PRKN: variants seen among roughly 807,000 people sequenced by gnomAD.
PRKN encodes the protein E3 ubiquitin-protein ligase parkin.
Under a neutral mutation model 59.5 loss-of-function variants are expected in PRKN, and 56 were observed. That is an observed-to-expected ratio of 0.94 (90% confidence interval 0.76 to 1.18). The LOEUF (loss-of-function observed/expected upper bound fraction) is 1.18. PRKN is among the 50% of genes most tolerant of loss of function. The pLI is 0.00. For synonymous variants in PRKN, 250 were observed against 222.1 expected, an observed-to-expected ratio of 1.13 and a Z score of -1.12; for missense variants, 657 against 596.4, an observed-to-expected ratio of 1.10 and a Z score of -1.06.
chr6:162,156,662 G>A (rs757554846), intron 4 of PRKN, among the ~76,000 whole-genome samples: 1 of 152,156 alleles, frequency 6.6e-6, no homozygotes, highest in Non-Finnish European at 1.5e-5. Context: ...CAGATTGAGG[G>A]TGAGTCTACC....
In PRKN at chr6:161,484,686, G is replaced by A. The variant is rs115748173; in HGVS notation, c.1083+64168C>T. Among the ~76,000 whole-genome samples, 1,576 of 152,240 alleles carry A rather than the reference G, an allele frequency of 0.01. 28 individuals are homozygous for A. The highest frequency in any genetic ancestry group is 0.036 in the African/African-American group (1,485 of 41,550). On this transcript the variant is annotated intron_variant, in intron 9 of 11. Transcript: ENST00000366898. The surrounding 1 kb of genome is among the most constrained non-coding windows in gnomAD (Gnocchi z 4.9). ...GAGACCAGGCCATTCTCACGGGCCC[G>A]TTGTGGGCACTGCATGGTGTTTGGC...
intron 4 of PRKN, among the ~76,000 whole-genome samples, chr6:162,093,037 G>C (rs1026006014): frequency 1.3e-5 from 2 of 152,134 alleles, no homozygotes; most frequent in African/African-American, 2.4e-5. Context: ...TGAACCAAAA[G>C]GTTTTCAGGC....
At chr6:162,116,414 A>G (rs560120554) in intron 4 of PRKN, among the ~76,000 whole-genome samples, 2 of 152,316 alleles carry the variant, frequency 1.3e-5, no homozygotes, top group South Asian at 4.1e-4. Context: ...GGCATGAAAC[A>G]GCTCTCTAGG....
intron 9 of PRKN, among the ~76,000 whole-genome samples, chr6:161,490,053 T>C (rs1038178697): frequency 1.3e-5 from 2 of 152,220 alleles, no homozygotes; most frequent in South Asian, 4.1e-4. Flanking sequence ...TGTTAGGATA[T>C]TCCAACTTAA....
intron 8 of PRKN, among the ~76,000 whole-genome samples, chr6:161,567,762 A>G (rs1477289154): frequency 6.6e-6 from 1 of 152,202 alleles, no homozygotes; most frequent in Non-Finnish European, 1.5e-5. Context: ...TTCTTTCCTT[A>G]CTAATTACCC....
At chr6:161,517,061 T>C (rs1283906538) in intron 9 of PRKN, among the ~76,000 whole-genome samples, 1 of 152,170 alleles carries the variant, frequency 6.6e-6, no homozygotes, top group Non-Finnish European at 1.5e-5. Context: ...GATTTCAACT[T>C]ACGATGGAGT....
chr6:162,162,328 A>G (rs1782794475), intron 4 of PRKN, among the ~76,000 whole-genome samples: 1 of 152,214 alleles, frequency 6.6e-6, no homozygotes, highest in Non-Finnish European at 1.5e-5. Flanking sequence ...ACGGAAGGAT[A>G]TGCGTAGGTT....
At position 162,101,616 on chromosome 6, in the gene PRKN, G is replaced by A. The variant is rs375760461; in HGVS notation, c.535-47442C>T. On this transcript the variant is annotated intron_variant, in intron 4 of 11. Coordinates refer to ENST00000366898, the MANE Select transcript of PRKN (RefSeq NM_004562.3). ...AAACCCGGGAGGTGGAGCTTGCAGTGAGCCGAGATCGTGCCACTGCACTCC... is the reference window on the plus strand; with the variant it reads ...AAACCCGGGAGGTGGAGCTTGCAGTAAGCCGAGATCGTGCCACTGCACTCC... Among the ~76,000 whole-genome samples, 193 of 151,954 alleles carry A rather than the reference G, an allele frequency of 1.3e-3. 4 individuals carry two copies. Among genetic ancestry groups the A allele is most frequent in the African/African-American group, 4.0e-3 (167 of 41,498 alleles).
chr6:162,686,214 C>T (rs1313868515), intron 1 of PRKN, among the ~76,000 whole-genome samples: 1 of 152,142 alleles, frequency 6.6e-6, no homozygotes, highest in African/African-American at 2.4e-5. Flanking sequence ...CCATAAATGT[C>T]ATGATTTAGC....
chr6:161,702,367 G>A (rs1311673824), intron 7 of PRKN, among the ~76,000 whole-genome samples: 1 of 152,184 alleles, frequency 6.6e-6, no homozygotes, highest in African/African-American at 2.4e-5. Context: ...TGAAAAGAGG[G>A]AAATTCTGAC....
At chr6:162,077,843 T>C (rs561886212) in intron 4 of PRKN, among the ~76,000 whole-genome samples, 2 of 151,536 alleles carry the variant, frequency 1.3e-5, no homozygotes, top group Non-Finnish European at 2.9e-5. Context: ...CTACTAAAAA[T>C]ACAAAAATTA....
intron 7 of PRKN, among the ~76,000 whole-genome samples, chr6:161,650,882 G>A (rs1484116228): frequency 6.6e-6 from 1 of 152,160 alleles, no homozygotes; most frequent in Non-Finnish European, 1.5e-5. Context: ...TATCCTCAGA[G>A]GAGCTCTTTC....
Position 161,368,636 on chromosome 6 carries a change from C to G in PRKN, c.1168-8431G>C, listed in dbSNP as rs560591550. Among the ~76,000 whole-genome samples, 154 of 151,466 alleles carry G rather than the reference C, an allele frequency of 1.0e-3. 2 individuals are homozygous for G. Among genetic ancestry groups the G allele is most frequent in the Admixed American group, 2.0e-3 (31 of 15,202 alleles). Reference sequence around the variant, plus strand: ...GACAGTGGGAGAAGCCACCCAGCCCCCCTCCCCTCACTGCAGTGGCTCACC... The same window carrying G: ...GACAGTGGGAGAAGCCACCCAGCCCGCCTCCCCTCACTGCAGTGGCTCACC... On this transcript the variant is annotated intron_variant, in intron 10 of 11. Coordinates refer to ENST00000366898, the MANE Select transcript of PRKN (RefSeq NM_004562.3).
intron 7 of PRKN, among the ~76,000 whole-genome samples, chr6:161,735,070 T>C (rs1447224391): frequency 1.3e-5 from 2 of 150,782 alleles, no homozygotes; most frequent in Non-Finnish European, 2.9e-5. Flanking sequence ...GCTGCCTTCC[T>C]GTTAGGTGTC....
chr6:161,764,628 C>T (rs897487364), intron 7 of PRKN, among the ~76,000 whole-genome samples: 1 of 152,052 alleles, frequency 6.6e-6, no homozygotes, highest in Non-Finnish European at 1.5e-5. Context: ...TTGTGCATTT[C>T]TATGTGAAAT....
chr6:162,530,904 A>T (rs1778483025), intron 1 of PRKN, among the ~76,000 whole-genome samples: 1 of 151,414 alleles, frequency 6.6e-6, no homozygotes, highest in East Asian at 2.0e-4. Context: ...TAAAATACAA[A>T]TAATTAGCAG....
At chr6:162,579,416 GCA>G (rs35480393) in intron 1 of PRKN, among the ~76,000 whole-genome samples, 45 of 149,938 alleles carry the variant, frequency 3.0e-4, no homozygotes, top group African/African-American at 7.1e-4. Flanking sequence ...ACAAGTTCAT[GCA>G]CACACACACA....
At chr6:161,759,165 G>C (rs536434726) in intron 7 of PRKN, among the ~76,000 whole-genome samples, 1 of 87,216 alleles carries the variant, frequency 1.1e-5, no homozygotes, top group African/African-American at 4.3e-5. Flanking sequence ...GACAGAGTGA[G>C]ACTGTTTAAA....
chr6:161,615,082 T>C (rs1231862150), intron 7 of PRKN, among the ~76,000 whole-genome samples: 3 of 152,186 alleles, frequency 2.0e-5, no homozygotes, highest in Non-Finnish European at 2.9e-5. Flanking sequence ...ATTAGGTTGA[T>C]GCAAAAGTTA....
Sources: gnomAD v4.1 joint callset for allele counts (sites outside exome capture counted in the v4.1 genomes callset) on GRCh38, gnomAD v4.1.1 for gene constraint, Gnocchi (gnomAD v3.1) non-coding constraint, MANE v1.5 for transcripts, NCBI Gene and HGNC (gene_info 2026-07-23, HGNC 2026-07-21) for gene names.